Variants in HERC4 observed in about 807,000 individuals in gnomAD.
The protein encoded by HERC4 is probable E3 ubiquitin-protein ligase HERC4.
Under a neutral mutation model 124.3 loss-of-function variants are expected in HERC4, and 28 were observed. The ratio of observed to expected loss-of-function variants is 0.23; its 90% CI spans 0.17 to 0.31. The LOEUF (loss-of-function observed/expected upper bound fraction) is 0.31. Among genes scored for constraint, HERC4 ranks in the 10% least tolerant of loss-of-function variants. The probability of loss-of-function intolerance (pLI) is 1.00; values close to 1 mark genes in which losing one functional copy is unlikely to be tolerated. For synonymous variants in HERC4, 407 were observed against 421.5 expected (o/e 0.97, Z 0.42); for missense variants, 713 against 1,229.3 (o/e 0.58, Z 6.28).
intron 9 of HERC4, among the ~76,000 whole-genome samples, chr10:68,002,599 CTTTTT>C (rs375700847): frequency 7.5e-6 from 1 of 132,584 alleles, no homozygotes; most frequent in East Asian, 2.1e-4. Flanking sequence ...TAAATTTTTA[CTTTTT>C]TTTTTTTTTT....
At chr10:68,039,154 A>C (rs868731725) in intron 4 of HERC4, among the ~76,000 whole-genome samples, 1,348 of 48,600 alleles carry the variant, frequency 0.028, 29 homozygotes, top group African/African-American at 0.14. Flanking sequence ...TGAAAATACA[A>C]AAAAAAAAAA....
intron 9 of HERC4, among the ~76,000 whole-genome samples, chr10:67,997,231 A>T (rs1194861538): frequency 2.0e-5 from 3 of 152,220 alleles, no homozygotes; most frequent in Non-Finnish European, 4.4e-5. Context: ...GTTTACTGAT[A>T]AATACCTATA....
rs1231264614 is a variant in HERC4, at chr10:67,991,122, TA to T, written c.1331+17del. On this transcript the variant is annotated intron_variant, in intron 12 of 24. Transcript: ENST00000373700. ...AATAAATTTGAAAATTTCAGCATAT[TA>T]AAGAATTGCCACTTACCTAACAGCT... The T allele has an allele frequency of 6.6e-7, 1 of 1,503,868 alleles. No individual in the cohort carries two copies. Among genetic ancestry groups the T allele is most frequent in the Non-Finnish European group, 8.9e-7 (1 of 1,121,454 alleles). The allele number at this position is 1,503,868 out of a possible 1,614,324, so 93.2% of individuals were successfully genotyped here.
At chr10:67,984,933 T>C (rs1048663335) in intron 15 of HERC4, among the ~76,000 whole-genome samples, 4 of 152,006 alleles carry the variant, frequency 2.6e-5, no homozygotes, top group African/African-American at 7.3e-5. Context: ...CATAAAGATA[T>C]ACCTACTATG....
chr10:67,956,962 A>G lies in HERC4; in HGVS notation c.1941T>C (p.Pro647=). Residue 647 remains proline, a synonymous_variant, in exon 17 of 25, where the codon CCT becomes CCC. Coordinates refer to ENST00000373700, the MANE Select transcript of HERC4 (RefSeq NM_015601.4). The part of the protein sequence containing the change: ...QQAYGMLADI[P]VTICTYPFVF... ...CAAATGGATATGTACAGATTGTAAC[A>G]GGGATATCTGCCAACTGGAAATAAA... The G allele has an allele frequency of 4.4e-6, 7 of 1,574,460 alleles. No individual in the cohort carries two copies. Among genetic ancestry groups the G allele is most frequent in the Non-Finnish European group, 6.0e-6 (7 of 1,160,854 alleles).
chr10:68,013,344 G>A (rs1184020253), intron 9 of HERC4, among the ~76,000 whole-genome samples: 2 of 152,166 alleles, frequency 1.3e-5, no homozygotes, highest in East Asian at 3.9e-4. Context: ...CATTGCAGTG[G>A]TCTGGAACTG....
intron 15 of HERC4, among the ~76,000 whole-genome samples, chr10:67,967,815 T>C (rs2034978997): frequency 6.6e-6 from 1 of 151,466 alleles, no homozygotes; most frequent in Non-Finnish European, 1.5e-5. Context: ...ACAAGTTAAA[T>C]AAACATCACA....
chr10:68,010,645 C>T (rs371015969), intron 9 of HERC4: 22 of 1,445,542 alleles, frequency 1.5e-5, no homozygotes, highest in African/African-American at 7.0e-5. Flanking sequence ...TCATTGTTGT[C>T]GGCTTCCTCC....
Position 67,954,745 on chromosome 10 carries a change from T to A in HERC4, c.2194-7A>T. ...CTTCTCCAACAAATATAACCTAAAATAGCACAATGCAAACACCAAATAGAC... is the reference window on the plus strand; with the variant it reads ...CTTCTCCAACAAATATAACCTAAAAAAGCACAATGCAAACACCAAATAGAC... On this transcript the variant is annotated splice_region_variant and splice_polypyrimidine_tract_variant and intron_variant, in intron 18 of 24. Transcript: ENST00000373700. 6.2e-7 allele frequency: 1 copy of A among 1,611,880 alleles called. No individual in the cohort carries two copies. Among genetic ancestry groups the A allele is most frequent in the Non-Finnish European group, 8.5e-7 (1 of 1,179,114 alleles).
At chr10:67,936,768 A>G (rs548608387) in intron 21 of HERC4, among the ~76,000 whole-genome samples, 39 of 152,278 alleles carry the variant, frequency 2.6e-4, no homozygotes, top group African/African-American at 9.1e-4. Flanking sequence ...AAATATTACC[A>G]TTCCCACTTA....
intron 23 of HERC4, among the ~76,000 whole-genome samples, chr10:67,931,651 C>T (rs1256377678): frequency 2.0e-5 from 3 of 151,852 alleles, no homozygotes; most frequent in Non-Finnish European, 4.4e-5. Context: ...CCTGGAACTC[C>T]TGACCTCAGG....
rs148876444 is a variant in HERC4, at chr10:68,012,657, T to G, written c.1069+1369A>C. Among the ~76,000 whole-genome samples the G allele has an allele frequency of 4.3e-3, 661 of 152,214 alleles. 8 individuals carry two copies. Among genetic ancestry groups the G allele is most frequent in the Admixed American group, 0.04 (615 of 15,286 alleles). ...TGATCACAGATCACCATTACAGATATAGTAACAACACAGAAGTTTTGAAAT... is the reference window on the plus strand; with the variant it reads ...TGATCACAGATCACCATTACAGATAGAGTAACAACACAGAAGTTTTGAAAT... On this transcript the variant is annotated intron_variant, in intron 9 of 24. Coordinates refer to ENST00000373700, the MANE Select transcript of HERC4 (RefSeq NM_015601.4).
chr10:67,946,348 AACACACACACACACACACAC>A (rs58692888), intron 19 of HERC4, among the ~76,000 whole-genome samples: 33 of 128,474 alleles, frequency 2.6e-4, no homozygotes, highest in African/African-American at 3.8e-4. Flanking sequence ...ATAAAACACA[AACACACACACACACACACAC>A]ACACACACAC....
At chr10:68,068,925 G>T in intron 3 of HERC4, 1 of 403,024 alleles carries the variant, frequency 2.5e-6, no homozygotes, top group Non-Finnish European at 3.4e-6. Flanking sequence ...ACATACAACT[G>T]TTGTGAGAAT....
At position 67,954,537 on chromosome 10, in the gene HERC4, A is replaced by T; in HGVS notation, c.2337+58T>A. On this transcript the variant is annotated intron_variant, in intron 19 of 24. Coordinates refer to ENST00000373700, the MANE Select transcript of HERC4 (RefSeq NM_015601.4). The stretch of plus-strand genomic sequence containing the variant: ...TATTTACTGAATTAACTTGATACAT[A>T]CAGGTATAAATACATGGGTATATAC... 4 of 1,337,892 alleles carry T rather than the reference A, an allele frequency of 3.0e-6. No homozygotes were observed. In the South Asian group the frequency reaches 6.5e-5, roughly 22 times the overall value. 82.9% of individuals were successfully genotyped at this position (1,337,892 alleles called of 1,614,324 possible).
At chr10:67,956,003 A>G (rs2034120822) in intron 17 of HERC4, 2 of 152,228 alleles carry the variant, frequency 1.3e-5, no homozygotes, top group African/African-American at 4.8e-5. Flanking sequence ...AAGACCTCCA[A>G]AAAATTGGCT....
rs559901740 is a variant in HERC4 at position 67,992,055 on chromosome 10, C to T, written c.1271+144G>A. 75 of 665,884 alleles carry T rather than the reference C, an allele frequency of 1.1e-4. 1 individual carries two copies. The highest frequency in any genetic ancestry group is 8.2e-4 in the South Asian group (44 of 53,864). 41.2% of individuals were successfully genotyped at this position (665,884 alleles called of 1,614,324 possible). A position where few individuals can be genotyped will look rare whatever the true frequency, so the allele number is the denominator to read the frequency against. On this transcript the variant is annotated intron_variant, in intron 11 of 24. Coordinates refer to ENST00000373700, the MANE Select transcript of HERC4 (RefSeq NM_015601.4). ...CTGAGACCACAGGTGTGCACCACCA[C>T]GCCCAGCTAATTGTATTTTTTTGTA...
chr10:68,069,237 T>C (rs976395391), intron 3 of HERC4: 4 of 954,166 alleles, frequency 4.2e-6, no homozygotes, highest in Non-Finnish European at 5.0e-6. Flanking sequence ...TTCATTTAAA[T>C]GGATTGGTCT....
At chr10:68,010,433 T>G (rs2037875767) in intron 9 of HERC4, 1 of 938,290 alleles carries the variant, frequency 1.1e-6, no homozygotes, top group Non-Finnish European at 1.7e-6. Flanking sequence ...CACTGCTTGA[T>G]TGCTTGCCCT....
Sources: gnomAD v4.1 joint callset for allele counts (sites outside exome capture counted in the v4.1 genomes callset) on GRCh38, gnomAD v4.1.1 for gene constraint, MANE v1.5 for transcripts, NCBI Gene and HGNC (gene_info 2026-07-23, HGNC 2026-07-21) for gene names.